ZNF469: variants seen among roughly 807,000 people sequenced by gnomAD.
ZNF469 encodes the protein zinc finger protein 469.
A neutral mutation model predicts 1.0 loss-of-function variants in ZNF469; 1 was observed. The ratio of observed to expected loss-of-function variants is 1.00; its 90% confidence interval spans 0.35 to 4.73. ZNF469 has a LOEUF of 4.73. ZNF469 is among the 30% of genes most tolerant of loss of function. The pLI, the probability that ZNF469 is intolerant of heterozygous loss-of-function variation, is 0.16. For missense variants in ZNF469, 6,100 were observed against 5,356.3 expected (o/e 1.14, Z -4.33); for synonymous variants, 2,703 against 2,363.4 (o/e 1.14, Z -4.17).
the ZNF469 span, among the ~76,000 whole-genome samples, chr16:88,247,961 G>A: frequency 6.6e-6 from 1 of 152,248 alleles, no homozygotes; most frequent in Non-Finnish European, 1.5e-5. Flanking sequence ...GCATTGTTCA[G>A]TGGTCGTCCC....
the ZNF469 span, among the ~76,000 whole-genome samples, chr16:88,249,429 C>CTTTTTTTTTTTTT: frequency 2.4e-4 from 15 of 63,610 alleles, no homozygotes; most frequent in African/African-American, 5.9e-4. Flanking sequence ...TTTTCTTTTT[C>CTTTTTTTTTTTTT]TTTTTTTTTT....
chr16:88,305,487 G>A, the ZNF469 span, among the ~76,000 whole-genome samples: 2 of 61,138 alleles, frequency 3.3e-5, no homozygotes, highest in Non-Finnish European at 3.3e-5. Flanking sequence ...TGCACACATG[G>A]TCACAGGCAC....
chr16:88,319,373 G>C, the ZNF469 span, among the ~76,000 whole-genome samples: 2 of 152,132 alleles, frequency 1.3e-5, no homozygotes, highest in Non-Finnish European at 2.9e-5. Flanking sequence ...AGACTTTCTT[G>C]GGCGGAGCCA....
the ZNF469 span, among the ~76,000 whole-genome samples, chr16:88,125,831 C>G: frequency 2.0e-5 from 3 of 152,052 alleles, no homozygotes; most frequent in Admixed American, 2.0e-4. Context: ...GACAGAAATA[C>G]TGTTAATATT....
At chr16:88,269,578 C>T in the ZNF469 span, among the ~76,000 whole-genome samples, 2 of 152,164 alleles carry the variant, frequency 1.3e-5, no homozygotes, top group Admixed American at 1.3e-4. Flanking sequence ...CTATGGGCCC[C>T]GCCTCCACCT....
rs1469917910 is a variant in ZNF469, at chr16:88,438,719, C to T, written c.11249C>T (p.Pro3750Leu). The change falls in exon 3 of 3, where the codon CCC (proline) becomes CTC (leucine). Residue 3750 changes from proline (P) to leucine (L), a missense_variant. Coordinates refer to ENST00000565624, the MANE Select transcript of ZNF469 (RefSeq NM_001367624.2). The stretch of plus-strand genomic sequence containing the variant: ...ACCAAGACAGGAGGTGGCAGCCAGC[C>T]CCAGCCAGCCAGCGGGCAGCTCCAG... The part of the protein sequence containing the change: ...PGTKTGGGSQ[P>L]QPASGQLQSE... 2 of 1,550,048 alleles carry T rather than the reference C, an allele frequency of 1.3e-6. No homozygotes were observed. Among genetic ancestry groups the T allele is most frequent in the East Asian group, 2.4e-5 (1 of 40,898 alleles).
Position 88,430,717 on chromosome 16 carries a change from G to C in ZNF469, c.3247G>C (p.Gly1083Arg), listed in dbSNP as rs773405012. The change falls in exon 3 of 3, where the codon GGA becomes CGA. Residue 1083 changes from glycine (G) to arginine (R), a missense_variant. Transcript: ENST00000565624. ...GSLAAGRPRPGAEDRRLREYD... is the reference protein window; with the variant it reads ...GSLAAGRPRPRAEDRRLREYD... The stretch of plus-strand genomic sequence containing the variant: ...CCTGGCGGCGGGGAGGCCCCGGCCC[G>C]GAGCTGAGGACCGCAGGCTCCGCGA... 1 of 1,485,306 alleles carries C rather than the reference G, an allele frequency of 6.7e-7. No homozygotes were observed. Among genetic ancestry groups the C allele is most frequent in the African/African-American group, 1.5e-5 (1 of 68,686 alleles). The allele number at this position is 1,485,306 out of a possible 1,614,324, so 92.0% of individuals were successfully genotyped here.
the ZNF469 span, among the ~76,000 whole-genome samples, chr16:88,152,705 T>G: frequency 6.6e-6 from 1 of 152,118 alleles, no homozygotes; most frequent in East Asian, 1.9e-4. The surrounding 1 kb of genome is among the most constrained non-coding windows in gnomAD (Gnocchi z 4.2). Context: ...TACTTAGCAG[T>G]TGGTAAATCA....
chr16:88,238,235 C>A, the ZNF469 span, among the ~76,000 whole-genome samples: 2 of 152,232 alleles, frequency 1.3e-5, no homozygotes, highest in Admixed American at 1.3e-4. Flanking sequence ...TGCTGAACTG[C>A]ATGGTAGGGA....
At chr16:88,123,716 T>G in the ZNF469 span, among the ~76,000 whole-genome samples, 3 of 152,322 alleles carry the variant, frequency 2.0e-5, no homozygotes, top group Admixed American at 2.0e-4. Flanking sequence ...ATTTTTCTAG[T>G]TTTTTCATTT....
At chr16:88,155,981 G>A in the ZNF469 span, among the ~76,000 whole-genome samples, 3 of 152,306 alleles carry the variant, frequency 2.0e-5, no homozygotes, top group Admixed American at 6.5e-5. Context: ...ATTGTGACTT[G>A]TACTTCTCTG....
chr16:88,355,576 T>A, the ZNF469 span, among the ~76,000 whole-genome samples: 1 of 152,172 alleles, frequency 6.6e-6, no homozygotes, highest in African/African-American at 2.4e-5. Flanking sequence ...GGCCCTCAGA[T>A]CTCAGTGCTG....
At chr16:88,376,359 G>A in the ZNF469 span, among the ~76,000 whole-genome samples, 1 of 152,276 alleles carries the variant, frequency 6.6e-6, no homozygotes, top group Non-Finnish European at 1.5e-5. Context: ...CACACAGCCG[G>A]GCCCGGTGTG....
At chr16:88,159,419 C>T in the ZNF469 span, among the ~76,000 whole-genome samples, 2 of 152,154 alleles carry the variant, frequency 1.3e-5, no homozygotes, top group Non-Finnish European at 2.9e-5. Flanking sequence ...CTGATCCCAT[C>T]TTCTCAGAGT....
the ZNF469 span, among the ~76,000 whole-genome samples, chr16:88,201,731 G>A: frequency 2.0e-5 from 3 of 152,186 alleles, no homozygotes; most frequent in Non-Finnish European, 2.9e-5. The surrounding 1 kb of genome is among the most constrained non-coding windows in gnomAD (Gnocchi z 5.0). Flanking sequence ...TCTTGAGCAG[G>A]TCCTTACATG....
the ZNF469 span, among the ~76,000 whole-genome samples, chr16:88,204,153 G>T: frequency 6.6e-6 from 1 of 151,164 alleles, no homozygotes; most frequent in Admixed American, 6.6e-5. Context: ...CCATAGAGCA[G>T]CCGGAGGCGC....
chr16:88,192,471 C>A, the ZNF469 span, among the ~76,000 whole-genome samples: 3 of 152,182 alleles, frequency 2.0e-5, no homozygotes, highest in East Asian at 5.8e-4. Flanking sequence ...AATGGGAGGT[C>A]CTCTGTCTCA....
At chr16:88,262,813 A>G in the ZNF469 span, among the ~76,000 whole-genome samples, 4 of 152,048 alleles carry the variant, frequency 2.6e-5, no homozygotes, top group African/African-American at 9.7e-5. The surrounding 1 kb of genome is among the most constrained non-coding windows in gnomAD (Gnocchi z 4.3). Flanking sequence ...AAGTGCTTAC[A>G]TGGAAATTCC....
At chr16:88,421,489 C>G (rs1472701298) in intron 1 of ZNF469, among the ~76,000 whole-genome samples, 4 of 152,190 alleles carry the variant, frequency 2.6e-5, no homozygotes, top group African/African-American at 9.6e-5. Context: ...CCGCCCCATG[C>G]CCACCCCAGC....
Sources: allele counts gnomAD v4.1 joint callset (sites outside exome capture counted in the v4.1 genomes callset), GRCh38; gene constraint gnomAD v4.1.1; non-coding constraint Gnocchi (gnomAD v3.1); transcripts MANE v1.5; gene names NCBI Gene and HGNC (gene_info 2026-07-23, HGNC 2026-07-21).